Variants in RARB observed in about 807,000 individuals in gnomAD.
RARB encodes the protein retinoic acid receptor beta.
A neutral mutation model predicts 51.9 loss-of-function variants in RARB; 17 were observed. The observed-to-expected ratio is 0.33, with a 90% CI of 0.22 to 0.49. The LOEUF is 0.49. RARB is among the 20% of genes least tolerant of loss of function. The pLI is 0.99. For synonymous variants in RARB, 215 were observed against 195.4 expected, an observed-to-expected ratio of 1.10 and a Z score of -0.84; for missense variants, 369 against 550.8, an observed-to-expected ratio of 0.67 and a Z score of 3.30.
intron 2 of RARB, among the ~76,000 whole-genome samples, chr3:24,910,581 A>G (rs567582113): frequency 6.6e-6 from 1 of 152,292 alleles, no homozygotes; most frequent in East Asian, 1.9e-4. Flanking sequence ...CAGAGGCTCA[A>G]TATGATAAAA....
intron 2 of RARB, among the ~76,000 whole-genome samples, chr3:25,493,061 A>G (rs908700250): frequency 6.6e-6 from 1 of 150,454 alleles, no homozygotes. Flanking sequence ...TGTTTGGAGT[A>G]TGGATTTGTG....
chr3:25,413,005 G>T (rs1026940562), intron 5 of RARB, among the ~76,000 whole-genome samples: 3 of 150,684 alleles, frequency 2.0e-5, no homozygotes, highest in Admixed American at 6.6e-5. Context: ...GGCAACAAGA[G>T]CAAAATTCCA....
chr3:25,050,375 AAAGAT>A (rs1698305929), intron 2 of RARB, among the ~76,000 whole-genome samples: 1 of 152,218 alleles, frequency 6.6e-6, no homozygotes, highest in Admixed American at 6.5e-5. Context: ...GATCAATCCC[AAAGAT>A]AAGAACCATA....
At chr3:25,368,990 AT>A (rs1185414825) in intron 5 of RARB, among the ~76,000 whole-genome samples, 2 of 152,220 alleles carry the variant, frequency 1.3e-5, no homozygotes, top group Non-Finnish European at 2.9e-5. Flanking sequence ...CATATTTCAA[AT>A]ACTAGTGGCA....
At chr3:25,026,750 T>G (rs907252254) in intron 2 of RARB, among the ~76,000 whole-genome samples, 17 of 152,210 alleles carry the variant, frequency 1.1e-4, no homozygotes, top group African/African-American at 4.1e-4. Context: ...AAATACTATT[T>G]GTAGCATTTG....
chr3:25,028,028 T>C (rs1156423585), intron 2 of RARB, among the ~76,000 whole-genome samples: 2 of 152,196 alleles, frequency 1.3e-5, no homozygotes, highest in Non-Finnish European at 2.9e-5. Context: ...TTCAGAACGA[T>C]CTTGAAATGG....
At chr3:25,198,592 T>C (rs1313693223) in intron 5 of RARB, among the ~76,000 whole-genome samples, 1 of 151,884 alleles carries the variant, frequency 6.6e-6, no homozygotes, top group Non-Finnish European at 1.5e-5. Context: ...TTCCTATAAA[T>C]AGGAGAAACT....
chr3:25,418,285 AT>A (rs954962301), intron 5 of RARB, among the ~76,000 whole-genome samples: 2 of 151,894 alleles, frequency 1.3e-5, no homozygotes, highest in Admixed American at 6.6e-5. Context: ...TAAAAATATA[AT>A]TTTTTTTGTC....
At chr3:25,202,231 T>A (rs896165451) in intron 5 of RARB, among the ~76,000 whole-genome samples, 2 of 152,206 alleles carry the variant, frequency 1.3e-5, no homozygotes, top group Non-Finnish European at 2.9e-5. Context: ...TAGAGGTGTT[T>A]ATAGTATTCT....
intron 5 of RARB, among the ~76,000 whole-genome samples, chr3:25,233,810 T>C (rs1273680679): frequency 2.0e-5 from 3 of 151,384 alleles, no homozygotes; most frequent in Admixed American, 2.0e-4. Context: ...TTTTGTCTAA[T>C]AGTTTTTCTA....
At chr3:24,921,492 C>G (rs1046042060) in intron 2 of RARB, among the ~76,000 whole-genome samples, 2 of 152,110 alleles carry the variant, frequency 1.3e-5, no homozygotes, top group African/African-American at 4.8e-5. Flanking sequence ...GTTTAGGTGA[C>G]CTTGCACCAG....
intron 5 of RARB, among the ~76,000 whole-genome samples, chr3:25,252,004 G>A (rs1441154189): frequency 2.6e-5 from 4 of 152,014 alleles, no homozygotes; most frequent in Admixed American, 2.0e-4. Context: ...TTATATTTAA[G>A]TCTGAATAGG....
At chr3:25,244,816 T>C (rs1702517394) in intron 5 of RARB, among the ~76,000 whole-genome samples, 1 of 152,198 alleles carries the variant, frequency 6.6e-6, no homozygotes, top group Admixed American at 6.5e-5. Flanking sequence ...GTTCTGTTGA[T>C]GTCTATTAGG....
chr3:24,852,578 T>G (rs1702573888), intron 1 of RARB, among the ~76,000 whole-genome samples: 1 of 152,180 alleles, frequency 6.6e-6, no homozygotes, highest in South Asian at 2.1e-4. Flanking sequence ...GTAGCATTAT[T>G]CATAATAGCC....
intron 2 of RARB, among the ~76,000 whole-genome samples, chr3:25,464,555 C>T (rs1410546584): frequency 1.3e-5 from 2 of 152,026 alleles, no homozygotes; most frequent in African/African-American, 4.8e-5. Context: ...ACTTGGTCTA[C>T]ATTTAAGCTT....
rs991990722 is a variant in RARB at position 25,209,071 on chromosome 3, C to T, written c.178+34496C>T. 6.6e-5 allele frequency among the ~76,000 whole-genome samples: 10 copies of T among 152,332 alleles called. 1 individual carries two copies. The East Asian group carries it at 1.5e-3, about 23-fold the overall frequency. On this transcript the variant is annotated intron_variant, in intron 5 of 11. Transcript: ENST00000383772. ...AAACAGAAGGCTGAAGACGTGTCAC[C>T]TATTCTCACTGTCAGCATAACAAGT... is the stretch of plus-strand genomic sequence containing the variant.
chr3:25,122,855 A>G (rs1199645913), intron 3 of RARB, among the ~76,000 whole-genome samples: 1 of 152,172 alleles, frequency 6.6e-6, no homozygotes, highest in Non-Finnish European at 1.5e-5. Context: ...AAAATGCCCC[A>G]AACGGTTATA....
chr3:24,995,380 T>C (rs1003404361), intron 2 of RARB, among the ~76,000 whole-genome samples: 2 of 152,062 alleles, frequency 1.3e-5, no homozygotes, highest in African/African-American at 4.8e-5. Flanking sequence ...GTAGAGTCTT[T>C]AGGTTTTTCT....
chr3:25,516,974 G>C (rs1202348319), intron 3 of RARB, among the ~76,000 whole-genome samples: 1 of 151,974 alleles, frequency 6.6e-6, no homozygotes, highest in African/African-American at 2.4e-5. Context: ...AATATATACT[G>C]ACGGCAGAAA....
Sources: allele counts gnomAD v4.1 joint callset (sites outside exome capture counted in the v4.1 genomes callset), GRCh38; gene constraint gnomAD v4.1.1; transcripts MANE v1.5; gene names NCBI Gene and HGNC (gene_info 2026-07-23, HGNC 2026-07-21).